CFAP20DC: variants seen among roughly 807,000 people sequenced by gnomAD.
CFAP20DC encodes protein CFAP20DC.
A neutral mutation model predicts 101.7 loss-of-function variants in CFAP20DC; 84 were observed. That is an observed-to-expected ratio of 0.83 (90% CI 0.69 to 0.99). CFAP20DC has a LOEUF of 0.99. Ranked by LOEUF, CFAP20DC falls within the 50% of genes least tolerant of loss-of-function variation. The pLI, the probability that CFAP20DC is intolerant of heterozygous loss-of-function variation, is 0.00. For synonymous variants in CFAP20DC, 359 were observed against 351.2 expected, an observed-to-expected ratio of 1.02 and a Z score of -0.25; for missense variants, 1,007 against 970.3, an observed-to-expected ratio of 1.04 and a Z score of -0.50.
chr3:58,871,551 A>G (rs1467587338), intron 7 of CFAP20DC, among the ~76,000 whole-genome samples: 2 of 141,840 alleles, frequency 1.4e-5, no homozygotes, highest in East Asian at 4.1e-4. Context: ...TTTTTTTGAG[A>G]CAGTCTTGCT....
intron 5 of CFAP20DC, among the ~76,000 whole-genome samples, chr3:58,931,667 C>T (rs1052076116): frequency 1.3e-5 from 2 of 152,218 alleles, no homozygotes; most frequent in African/African-American, 4.8e-5. Context: ...CAAATAGGGT[C>T]TGGAGTGGAC....
At chr3:58,851,050 A>C (rs1320210137) in intron 12 of CFAP20DC, among the ~76,000 whole-genome samples, 1 of 152,008 alleles carries the variant, frequency 6.6e-6, no homozygotes, top group Non-Finnish European at 1.5e-5. Flanking sequence ...CTATCTTATC[A>C]TTTTTCTGTT....
At chr3:58,811,151 T>C (rs535763893) in intron 14 of CFAP20DC, among the ~76,000 whole-genome samples, 1 of 152,086 alleles carries the variant, frequency 6.6e-6, no homozygotes. Context: ...ATAGATGCAA[T>C]GCCATCCCCA....
chr3:58,892,126 G>T lies in CFAP20DC; in HGVS notation c.551-7417C>A, dbSNP rs1282260931. ...ATTCATTGATTTTGTCAGTTTTGTT[G>T]AAGATCAGATGGCTGTAGATGTGTG... On this transcript the variant is annotated intron_variant, in intron 6 of 16. Transcript: ENST00000482387. This position sits in a 1 kb window ranked among gnomAD's most constrained non-coding sequence, Gnocchi z 4.0. 1.3e-5 allele frequency among the ~76,000 whole-genome samples: 2 copies of T among 152,142 alleles called. No individual in the cohort carries two copies. The highest frequency in any genetic ancestry group is 4.8e-5 in the African/African-American group (2 of 41,440).
At chr3:58,819,372 C>T (rs1261766795) in intron 14 of CFAP20DC, among the ~76,000 whole-genome samples, 1,292 of 151,726 alleles carry the variant, frequency 8.5e-3, no homozygotes, top group African/African-American at 0.029. Flanking sequence ...TTGAAAGGAT[C>T]AACAAAATTG....
At chr3:58,768,376 T>C (rs900675518) in intron 15 of CFAP20DC, among the ~76,000 whole-genome samples, 5 of 152,130 alleles carry the variant, frequency 3.3e-5, no homozygotes, top group Admixed American at 1.3e-4. Context: ...ACTGAATTAA[T>C]TGGAAAACTG....
intron 13 of CFAP20DC, among the ~76,000 whole-genome samples, chr3:58,846,498 C>T (rs1233705681): frequency 6.6e-6 from 1 of 151,814 alleles, no homozygotes; most frequent in East Asian, 1.9e-4. Flanking sequence ...CAAACCACTG[C>T]TCAAGGAAAT....
intron 14 of CFAP20DC, among the ~76,000 whole-genome samples, chr3:58,806,849 C>T (rs532811669): frequency 2.8e-4 from 42 of 152,280 alleles, no homozygotes; most frequent in Admixed American, 1.3e-3. Context: ...CCTGGAAAAT[C>T]GGGTCACTCC....
Position 59,006,902 on chromosome 3 carries a change from T to C in CFAP20DC, c.278+32655A>G, listed in dbSNP as rs1298046206. On this transcript the variant is annotated intron_variant, in intron 4 of 16. Transcript: ENST00000482387. The surrounding 1 kb of genome is among the most constrained non-coding windows in gnomAD (Gnocchi z 4.3). ...TGTAGGCAGACTGGGAGGCAAGGCC[T>C]GAAAGCCTTGCTTGCTTTCTCAGCG... Among the ~76,000 whole-genome samples the C allele has an allele frequency of 1.3e-5, 2 of 152,214 alleles. No homozygotes were observed. The highest frequency in any genetic ancestry group is 4.8e-5 in the African/African-American group (2 of 41,462).
rs547004025 is a variant in CFAP20DC, at chr3:58,912,594, C to T, written c.550+1114G>A. The T allele has an allele frequency of 2.5e-6, 1 of 392,288 alleles. No homozygotes were observed. The highest frequency in any genetic ancestry group is 2.1e-5 in the African/African-American group (1 of 47,346). 24.3% of individuals were successfully genotyped at this position (392,288 alleles called of 1,614,324 possible). On this transcript the variant is annotated intron_variant, in intron 6 of 16. Coordinates refer to ENST00000482387, the MANE Select transcript of CFAP20DC (RefSeq NM_001394063.1). The surrounding 1 kb of genome is among the most constrained non-coding windows in gnomAD (Gnocchi z 4.4). ...TGACATCTTATATGCAGCCCTGCTTCCTGGACTTCTAGAAGAATTGATTTA... is the reference window on the plus strand; with the variant it reads ...TGACATCTTATATGCAGCCCTGCTTTCTGGACTTCTAGAAGAATTGATTTA...
intron 4 of CFAP20DC, among the ~76,000 whole-genome samples, chr3:59,021,671 G>C (rs778005947): frequency 6.6e-6 from 1 of 152,090 alleles, no homozygotes; most frequent in Admixed American, 6.6e-5. Flanking sequence ...TGATGAGATA[G>C]AGTGATGTAC....
rs961140718 is a variant in CFAP20DC at position 58,743,065 on chromosome 3, T to C, written c.2333-493A>G. ...GAATTAAAATAATAGAACTATAAGA[T>C]ACATAGAACAGACAACATACACAGA... On this transcript the variant is annotated intron_variant, in intron 16 of 16. Transcript: ENST00000482387. Among the ~76,000 whole-genome samples the C allele has an allele frequency of 9.2e-5, 14 of 152,278 alleles. 1 individual carries two copies. The highest frequency in any genetic ancestry group is 8.5e-4 in the Admixed American group (13 of 15,300).
In CFAP20DC at chr3:59,007,888, T is replaced by A. The variant is rs1003810024; in HGVS notation, c.278+31669A>T. Among the ~76,000 whole-genome samples, 1 of 152,176 alleles carries A rather than the reference T, an allele frequency of 6.6e-6. No homozygotes were observed. The highest frequency in any genetic ancestry group is 1.5e-5 in the Non-Finnish European group (1 of 68,028). On this transcript the variant is annotated intron_variant, in intron 4 of 16. Coordinates refer to ENST00000482387, the MANE Select transcript of CFAP20DC (RefSeq NM_001394063.1). The surrounding 1 kb of genome is among the most constrained non-coding windows in gnomAD (Gnocchi z 4.4). ...CAGCAGGACTTGGGTTTCAGATCTT[T>A]CCACTGGTAGGTAGTTTCTCATAGC...
chr3:58,719,863 A>C (rs1029855298), intron 3 of CFAP20DC, among the ~76,000 whole-genome samples: 3 of 152,172 alleles, frequency 2.0e-5, no homozygotes, highest in African/African-American at 7.2e-5. Flanking sequence ...ACCACTTGGC[A>C]CTCTGCCCAT....
intron 4 of CFAP20DC, among the ~76,000 whole-genome samples, chr3:58,949,088 T>C (rs1308192587): frequency 1.3e-5 from 2 of 152,232 alleles, no homozygotes; most frequent in Non-Finnish European, 2.9e-5. Context: ...GAGGTGTTTA[T>C]AGTATTCTCT....
intron 15 of CFAP20DC, among the ~76,000 whole-genome samples, chr3:58,763,042 C>G (rs1333968279): frequency 6.6e-6 from 1 of 152,126 alleles, no homozygotes; most frequent in Non-Finnish European, 1.5e-5. Flanking sequence ...GGAGGAGTAT[C>G]TTTGTGGCGT....
intron 12 of CFAP20DC, among the ~76,000 whole-genome samples, chr3:58,857,002 G>A (rs1014666816): frequency 6.6e-6 from 1 of 152,122 alleles, no homozygotes; most frequent in African/African-American, 2.4e-5. Context: ...AACTGGAGGT[G>A]TTTTCAGTAA....
In CFAP20DC at chr3:58,899,892, C is replaced by T. The variant is rs73078056; in HGVS notation, c.550+13816G>A. Among the ~76,000 whole-genome samples the T allele has an allele frequency of 6.7e-3, 1,015 of 152,302 alleles. 7 individuals carry two copies. The highest frequency in any genetic ancestry group is 0.011 in the Non-Finnish European group (728 of 68,024). On this transcript the variant is annotated intron_variant, in intron 6 of 16. Coordinates refer to ENST00000482387, the MANE Select transcript of CFAP20DC (RefSeq NM_001394063.1). The surrounding 1 kb of genome is among the most constrained non-coding windows in gnomAD (Gnocchi z 5.0). ...CTTTCACTCCTCTCCACGAGTGCTG[C>T]AGACCACAGCTGCTTTTAATCAGCC...
chr3:58,863,452 T>C lies in CFAP20DC; in HGVS notation c.1593+106A>G, dbSNP rs1196919373. 2.0e-6 allele frequency: 3 copies of C among 1,503,364 alleles called. No individual in the cohort carries two copies. The highest frequency in any genetic ancestry group is 2.7e-6 in the Non-Finnish European group (3 of 1,128,432). 93.1% of individuals were successfully genotyped at this position (1,503,364 alleles called of 1,614,324 possible). Reference sequence around the variant, plus strand: ...GACATGGCAATCTGTTGCATTTTTATAAATAGCAGTTGATTTTCCCTCTTT... The same window carrying C: ...GACATGGCAATCTGTTGCATTTTTACAAATAGCAGTTGATTTTCCCTCTTT... On this transcript the variant is annotated intron_variant, in intron 12 of 16. Coordinates refer to ENST00000482387, the MANE Select transcript of CFAP20DC (RefSeq NM_001394063.1). The surrounding 1 kb of genome is among the most constrained non-coding windows in gnomAD (Gnocchi z 5.9).
Sources: allele counts gnomAD v4.1 joint callset (sites outside exome capture counted in the v4.1 genomes callset), GRCh38; gene constraint gnomAD v4.1.1; non-coding constraint Gnocchi (gnomAD v3.1); transcripts MANE v1.5; gene names NCBI Gene and HGNC (gene_info 2026-07-23, HGNC 2026-07-21).